PCDHGA3: variants seen among roughly 807,000 people sequenced by gnomAD.
PCDHGA3 encodes protocadherin gamma-A3.
Under a neutral mutation model 58.5 loss-of-function variants are expected in PCDHGA3, and 40 were observed. The ratio of observed to expected loss-of-function variants is 0.68; its 90% confidence interval spans 0.53 to 0.89. The LOEUF (loss-of-function observed/expected upper bound fraction) is 0.89, where lower values mean the gene tolerates loss of function less well. Ranked by LOEUF, PCDHGA3 falls within the 40% of genes least tolerant of loss-of-function variation. The pLI is 0.00. For missense variants in PCDHGA3, 1,223 were observed against 1,195.9 expected (o/e 1.02, Z -0.33); for synonymous variants, 530 against 525.7 (o/e 1.01, Z -0.11).
In PCDHGA3 at chr5:141,489,210, G is replaced by A; in HGVS notation, c.2425-5597G>A. ...TCTACCTTGGAGACAGGACAGCACAGACTTACTCTCCACAAAGGGACTTCT... is the reference window on the plus strand; with the variant it reads ...TCTACCTTGGAGACAGGACAGCACAAACTTACTCTCCACAAAGGGACTTCT... On this transcript the variant is annotated intron_variant, in intron 1 of 3. Coordinates refer to ENST00000253812, the MANE Select transcript of PCDHGA3 (RefSeq NM_018916.4). The surrounding 1 kb of genome is among the most constrained non-coding windows in gnomAD (Gnocchi z 4.5). 6 of 1,461,860 alleles carry A rather than the reference G, an allele frequency of 4.1e-6. No homozygotes were observed. Among genetic ancestry groups the A allele is most frequent in the Non-Finnish European group, 5.6e-6 (6 of 1,080,904 alleles). 90.6% of individuals were successfully genotyped at this position (1,461,860 alleles called of 1,614,324 possible). A position where few individuals can be genotyped will look rare whatever the true frequency, so the allele number is the denominator to read the frequency against.
At chr5:141,383,112 G>C (rs1167934535) in intron 1 of PCDHGA3, 5 of 1,613,924 alleles carry the variant, frequency 3.1e-6, no homozygotes, top group Non-Finnish European at 4.2e-6. Context: ...CCAGAGGTAG[G>C]ACGCAGCTTT....
intron 1 of PCDHGA3, among the ~76,000 whole-genome samples, chr5:141,446,473 G>C (rs558209769): frequency 2.0e-4 from 29 of 148,138 alleles, no homozygotes; most frequent in Non-Finnish European, 1.5e-4. Context: ...TAGACATATG[G>C]TCATCATTCT....
chr5:141,363,496 A>G (rs1762946791), intron 1 of PCDHGA3, among the ~76,000 whole-genome samples: 1 of 152,378 alleles, frequency 6.6e-6, no homozygotes, highest in South Asian at 2.1e-4. Context: ...GATGAAATAA[A>G]ACCCCATCCT....
At chr5:141,428,466 A>G (rs1230267635) in intron 1 of PCDHGA3, 1 of 344,756 alleles carries the variant, frequency 2.9e-6, no homozygotes, top group Admixed American at 4.1e-5. Context: ...ACAATGAGGG[A>G]ACTTTGCTTT....
chr5:141,384,704 C>T (rs1191674511), intron 1 of PCDHGA3: 2 of 1,614,004 alleles, frequency 1.2e-6, no homozygotes, highest in African/African-American at 2.7e-5. Flanking sequence ...GGCCAGAACG[C>T]CTGGCTGTCA....
At chr5:141,498,520 A>T (rs1178141390) in intron 2 of PCDHGA3, among the ~76,000 whole-genome samples, 1 of 149,264 alleles carries the variant, frequency 6.7e-6, no homozygotes, top group Non-Finnish European at 1.5e-5. Flanking sequence ...CATCTTGCCC[A>T]CTGCCCTCCA....
chr5:141,400,559 C>T (rs2150864766), intron 1 of PCDHGA3: 2 of 1,613,274 alleles, frequency 1.2e-6, no homozygotes, highest in Non-Finnish European at 1.7e-6. Flanking sequence ...TTTTCATTAC[C>T]CACCCAATTT....
chr5:141,350,640 C>A (rs1477120980), intron 1 of PCDHGA3: 2 of 1,613,924 alleles, frequency 1.2e-6, no homozygotes, highest in Non-Finnish European at 1.7e-6. Flanking sequence ...AATGACAATG[C>A]ACCACGTTTC....
At chr5:141,400,560 C>CGTAA in intron 1 of PCDHGA3, 5 of 1,613,248 alleles carry the variant, frequency 3.1e-6, no homozygotes, top group Non-Finnish European at 3.4e-6. Flanking sequence ...TTTCATTACC[C>CGTAA]ACCCAATTTT....
chr5:141,384,986 C>T (rs867210871), intron 1 of PCDHGA3: 11 of 1,613,988 alleles, frequency 6.8e-6, no homozygotes, highest in Middle Eastern at 1.6e-4. Flanking sequence ...CTGGTGGTGG[C>T]GGTGGCCACA....
Position 141,451,083 on chromosome 5 carries a change from C to T in PCDHGA3, c.2425-43724C>T, listed in dbSNP as rs192869194. On this transcript the variant is annotated intron_variant, in intron 1 of 3. Coordinates refer to ENST00000253812, the MANE Select transcript of PCDHGA3 (RefSeq NM_018916.4). The stretch of plus-strand genomic sequence containing the variant: ...GACCTTGTGATCCACCCACCTTGAC[C>T]TCCCAAAGTGTTGGGATTACAGGCG... 4.9e-4 allele frequency among the ~76,000 whole-genome samples: 75 copies of T among 152,174 alleles called. 3 individuals carry two copies. In the East Asian group the frequency reaches 0.014, roughly 29 times the overall value.
chr5:141,472,623 TAA>T (rs2099291037), intron 1 of PCDHGA3, among the ~76,000 whole-genome samples: 1 of 152,018 alleles, frequency 6.6e-6, no homozygotes, highest in Non-Finnish European at 1.5e-5. Context: ...AGAAAAAAGA[TAA>T]AGACTGGGAA....
intron 1 of PCDHGA3, chr5:141,364,771 T>G: frequency 6.2e-7 from 1 of 1,614,002 alleles, no homozygotes; most frequent in Non-Finnish European, 8.5e-7. Flanking sequence ...AAAATGCGGC[T>G]GCAGGGACAC....
intron 2 of PCDHGA3, among the ~76,000 whole-genome samples, chr5:141,503,334 C>T (rs2099819255): frequency 6.6e-6 from 1 of 152,072 alleles, no homozygotes; most frequent in Admixed American, 6.6e-5. Context: ...CGGTGGCTCA[C>T]GCCTGTAATT....
rs1451071413 is a variant in PCDHGA3, at chr5:141,415,742, T to G, written c.2424+69285T>G. 19 of 216,608 alleles carry G rather than the reference T, an allele frequency of 8.8e-5. 1 individual carries two copies. In the Admixed American group the frequency reaches 4.5e-3, roughly 51 times the overall value. 13.4% of individuals were successfully genotyped at this position (216,608 alleles called of 1,614,324 possible). ...AGTAGAATTTGATGTTTATTAAGGT[T>G]TTTTTTTTTTTTTTTTTTTTTTTTT... On this transcript the variant is annotated intron_variant, in intron 1 of 3. Transcript: ENST00000253812.
At chr5:141,402,124 A>G (rs150020541) in intron 1 of PCDHGA3, among the ~76,000 whole-genome samples, 1 of 152,254 alleles carries the variant, frequency 6.6e-6, no homozygotes, top group East Asian at 1.9e-4. Flanking sequence ...AAAATTTCCA[A>G]CTTTAATCCT....
chr5:141,478,106 G>A (rs1474192496), intron 1 of PCDHGA3: 1 of 1,613,928 alleles, frequency 6.2e-7, no homozygotes, highest in Non-Finnish European at 8.5e-7. Context: ...TACCCTCACT[G>A]TGTCAGTAAC....
At chr5:141,478,493 G>A in intron 1 of PCDHGA3, 1 of 1,613,176 alleles carries the variant, frequency 6.2e-7, no homozygotes, top group Non-Finnish European at 8.5e-7. Flanking sequence ...GCGGAGCTGT[G>A]ATCCGGTGTT....
At chr5:141,510,906 C>G in intron 3 of PCDHGA3, 41 bp from the exon 4 acceptor site, 1 of 1,613,582 alleles carries the variant, frequency 6.2e-7, no homozygotes, top group Non-Finnish European at 8.5e-7. Context: ...TGTTGAGGAC[C>G]CTAAGTTTAG....
Sources: gnomAD v4.1 joint callset for allele counts (sites outside exome capture counted in the v4.1 genomes callset) on GRCh38, gnomAD v4.1.1 for gene constraint, Gnocchi (gnomAD v3.1) non-coding constraint, MANE v1.5 for transcripts, NCBI Gene and HGNC (gene_info 2026-07-23, HGNC 2026-07-21) for gene names.